The following PKIB variants were observed in gnomAD, a reference collection of about 807,000 sequenced individuals.
PKIB encodes PKI-beta.
Under a neutral mutation model 4.5 loss-of-function variants are expected in PKIB, and 2 were observed. That is an observed-to-expected ratio of 0.44 (90% CI 0.18 to 1.39). PKIB has a LOEUF of 1.39. Ranked by LOEUF, PKIB falls within the 40% of genes most tolerant of loss-of-function variation. The pLI, the probability that PKIB is intolerant of heterozygous loss-of-function variation, is 0.27. For missense variants in PKIB, 94 were observed against 92.6 expected (o/e 1.02, Z -0.06); for synonymous variants, 38 against 36.0 (o/e 1.06, Z -0.20).
intron 2 of PKIB, among the ~76,000 whole-genome samples, chr6:122,666,428 A>ATT (rs143797809): frequency 6.6e-6 from 1 of 152,144 alleles, no homozygotes; most frequent in Non-Finnish European, 1.5e-5. Flanking sequence ...CTTCAAAAAC[A>ATT]TTTTTTAAAA....
intron 1 of PKIB, among the ~76,000 whole-genome samples, chr6:122,477,398 T>C (rs979267905): frequency 2.0e-5 from 3 of 152,234 alleles, no homozygotes; most frequent in African/African-American, 7.2e-5. Flanking sequence ...TGAACCTAAA[T>C]TGATTTCTTA....
chr6:122,645,587 A>G (rs1022271142), intron 2 of PKIB, among the ~76,000 whole-genome samples: 2 of 152,246 alleles, frequency 1.3e-5, no homozygotes, highest in African/African-American at 4.8e-5. Context: ...ATATGTTCAC[A>G]GATTGTGGGT....
intron 2 of PKIB, among the ~76,000 whole-genome samples, chr6:122,547,786 C>G (rs1772548257): frequency 6.6e-6 from 1 of 152,066 alleles, no homozygotes; most frequent in African/African-American, 2.4e-5. Flanking sequence ...ACAGTTATAC[C>G]TTTTACAAAC....
chr6:122,517,751 T>A (rs908455842), intron 2 of PKIB, among the ~76,000 whole-genome samples: 1 of 152,242 alleles, frequency 6.6e-6, no homozygotes, highest in Non-Finnish European at 1.5e-5. Flanking sequence ...TTTTTAGTAG[T>A]GGCATTTCCA....
At chr6:122,664,801 G>A (rs908238818) in intron 2 of PKIB, among the ~76,000 whole-genome samples, 1 of 152,044 alleles carries the variant, frequency 6.6e-6, no homozygotes, top group African/African-American at 2.4e-5. Flanking sequence ...TTAAAGTGAA[G>A]CATATCTAAA....
At chr6:122,602,265 G>A (rs1774391977) in intron 3 of PKIB, among the ~76,000 whole-genome samples, 1 of 152,172 alleles carries the variant, frequency 6.6e-6, no homozygotes, top group Admixed American at 6.5e-5. Context: ...TACTAATAGG[G>A]CCAGTGTGGA....
In PKIB at chr6:122,536,142, G is replaced by T. The variant is rs550210838; in HGVS notation, c.-247-49779G>T. Among the ~76,000 whole-genome samples, 62 of 152,174 alleles carry T rather than the reference G, an allele frequency of 4.1e-4. 1 individual carries two copies. The highest frequency in any genetic ancestry group is 1.3e-3 in the African/African-American group (54 of 41,526). Reference sequence around the variant, plus strand: ...TTCAGTAGAGACGGAGTTTCACCATGGTAGCCAGGCTGGTCCCAAACTCGT... The same window carrying T: ...TTCAGTAGAGACGGAGTTTCACCATTGTAGCCAGGCTGGTCCCAAACTCGT... On this transcript the variant is annotated intron_variant, in intron 2 of 6. Coordinates refer to the PKIB transcript ENST00000392491.
chr6:122,483,642 A>G (rs1407109325), intron 2 of PKIB: 1 of 152,222 alleles, frequency 6.6e-6, no homozygotes, highest in East Asian at 1.9e-4. Context: ...CAAAGAAACA[A>G]TTTTTAGAAA....
chr6:122,592,998 T>C (rs1774063265), intron 3 of PKIB, among the ~76,000 whole-genome samples: 1 of 152,160 alleles, frequency 6.6e-6, no homozygotes, highest in South Asian at 2.1e-4. Flanking sequence ...TGATATTAAA[T>C]TTACAAATGT....
intron 1 of PKIB, among the ~76,000 whole-genome samples, chr6:122,475,236 G>A (rs1003192465): frequency 3.3e-5 from 5 of 152,122 alleles, no homozygotes; most frequent in African/African-American, 7.2e-5. Context: ...GTACCAAAAC[G>A]CCTGGCCCAT....
chr6:122,517,787 C>G (rs1244577078), intron 2 of PKIB, among the ~76,000 whole-genome samples: 1 of 152,148 alleles, frequency 6.6e-6, no homozygotes, highest in Non-Finnish European at 1.5e-5. Flanking sequence ...AATTCTTGAT[C>G]ACTGAATGTG....
chr6:122,548,365 A>G (rs1353533932), intron 2 of PKIB, among the ~76,000 whole-genome samples: 1 of 152,174 alleles, frequency 6.6e-6, no homozygotes, highest in East Asian at 1.9e-4. Flanking sequence ...AGCCTTTCTA[A>G]AGCATTAAAA....
intron 1 of PKIB, among the ~76,000 whole-genome samples, chr6:122,628,677 A>G (rs899890058): frequency 6.6e-6 from 1 of 151,972 alleles, no homozygotes; most frequent in Non-Finnish European, 1.5e-5. Flanking sequence ...GCTACATCAT[A>G]CTTTATTGGA....
chr6:122,660,839 A>T (rs1020742070), intron 2 of PKIB, among the ~76,000 whole-genome samples: 3 of 152,202 alleles, frequency 2.0e-5, no homozygotes, highest in African/African-American at 7.2e-5. Flanking sequence ...ACTGATTGAT[A>T]TATCTCTGCA....
upstream of PKIB, chr6:122,610,157 G>A (rs1774687124): frequency 6.6e-6 from 1 of 152,248 alleles, no homozygotes; most frequent in African/African-American, 2.4e-5. Context: ...GACGCGGGTT[G>A]TGTGACGATC....
intron 2 of PKIB, among the ~76,000 whole-genome samples, chr6:122,578,404 G>T (rs998794427): frequency 2.0e-5 from 3 of 151,754 alleles, no homozygotes; most frequent in African/African-American, 7.3e-5. Flanking sequence ...TGAATTCTAC[G>T]TGTTCAAAAT....
At chr6:122,721,105 G>A (rs1779724123) in intron 4 of PKIB, among the ~76,000 whole-genome samples, 1 of 152,136 alleles carries the variant, frequency 6.6e-6, no homozygotes, top group Non-Finnish European at 1.5e-5. Flanking sequence ...TACCTTTTCA[G>A]TACAAATGGA....
At chr6:122,600,206 G>A (rs1357912802) in intron 3 of PKIB, among the ~76,000 whole-genome samples, 2 of 152,148 alleles carry the variant, frequency 1.3e-5, no homozygotes, top group African/African-American at 2.4e-5. Flanking sequence ...GGAGAAAGAT[G>A]TAGGCTGGGA....
intron 3 of PKIB, among the ~76,000 whole-genome samples, chr6:122,706,232 TTATC>T (rs1779052020): frequency 6.6e-6 from 1 of 152,196 alleles, no homozygotes; most frequent in African/African-American, 2.4e-5. Flanking sequence ...CAGTAACCAT[TTATC>T]TTTTACATTT....
Sources: gnomAD v4.1 joint callset for allele counts (sites outside exome capture counted in the v4.1 genomes callset) on GRCh38, gnomAD v4.1.1 for gene constraint, MANE v1.5 for transcripts, NCBI Gene and HGNC (gene_info 2026-07-23, HGNC 2026-07-21) for gene names.